The following TMC5 variants were observed in gnomAD, a reference collection of about 807,000 sequenced individuals.
The protein encoded by TMC5 is transmembrane channel like 5.
Under a neutral mutation model 110.5 loss-of-function variants are expected in TMC5, and 86 were observed. That is an observed-to-expected ratio of 0.78 (90% CI 0.65 to 0.93). TMC5 has a LOEUF of 0.93. Ranked by LOEUF, TMC5 falls within the 40% of genes least tolerant of loss-of-function variation. The pLI is 0.00. For synonymous variants in TMC5, 455 were observed against 439.5 expected (o/e 1.04, Z -0.44); for missense variants, 1,144 against 1,222.8 (o/e 0.94, Z 0.96).
At chr16:19,421,015 C>T (rs1966971015) in intron 1 of TMC5, among the ~76,000 whole-genome samples, 1 of 148,332 alleles carries the variant, frequency 6.7e-6, no homozygotes. Context: ...TGGTTTAGGT[C>T]ACCCCAAGAA....
rs1969117737 is a variant in TMC5, at chr16:19,498,721, G to A, written c.*755G>A. 1 of 152,034 alleles carries A rather than the reference G, an allele frequency of 6.6e-6. No individual in the cohort carries two copies. The highest frequency in any genetic ancestry group is 1.5e-5 in the Non-Finnish European group (1 of 68,016). 9.4% of individuals were successfully genotyped at this position (152,034 alleles called of 1,614,324 possible). A position where few individuals can be genotyped will look rare whatever the true frequency, so the allele number is the denominator to read the frequency against. The stretch of plus-strand genomic sequence containing the variant: ...GATGACTTGAAATATAATCAGCGCT[G>A]GCAATTTTTGACAGTCTCTACGGAG... On this transcript the variant is annotated 3_prime_UTR_variant, in exon 22 of 22. Coordinates refer to ENST00000542583, the MANE Select transcript of TMC5 (RefSeq NM_001261841.2).
intron 19 of TMC5, among the ~76,000 whole-genome samples, chr16:19,492,589 G>C (rs1330084745): frequency 6.6e-6 from 1 of 151,954 alleles, no homozygotes; most frequent in Non-Finnish European, 1.5e-5. Flanking sequence ...GGAATTACAG[G>C]TGCCTGCCAC....
chr16:19,465,992 GT>G (rs1331253298), intron 8 of TMC5, 89 bp from the exon 9 acceptor site: 6 of 1,398,328 alleles, frequency 4.3e-6, no homozygotes, highest in Non-Finnish European at 5.8e-6. Flanking sequence ...CAGGCTTCTT[GT>G]ATTCAGGAGA....
chr16:19,475,148 A>T (rs929756303), intron 12 of TMC5, among the ~76,000 whole-genome samples: 1 of 152,124 alleles, frequency 6.6e-6, no homozygotes, highest in Non-Finnish European at 1.5e-5. Flanking sequence ...TAGGCCGGGC[A>T]TGGTGGCTCA....
intron 7 of TMC5, 54 bp downstream of exon 7, chr16:19,463,421 T>G: frequency 7.1e-7 from 1 of 1,398,714 alleles, no homozygotes. Context: ...GGGAGGAGAG[T>G]GAGGATGAAA....
chr16:19,474,543 G>A (rs747437240), intron 12 of TMC5, among the ~76,000 whole-genome samples: 6 of 152,118 alleles, frequency 3.9e-5, no homozygotes, highest in Non-Finnish European at 7.4e-5. Context: ...GGATGCAGTG[G>A]CATGCACCTG....
intron 5 of TMC5, chr16:19,456,607 C>T: frequency 6.6e-7 from 1 of 1,508,988 alleles, no homozygotes; most frequent in Non-Finnish European, 8.8e-7. Context: ...TGATCATCAT[C>T]ACTTTTTCCC....
chr16:19,473,602 T>C (rs929319646), intron 11 of TMC5, among the ~76,000 whole-genome samples: 4 of 152,178 alleles, frequency 2.6e-5, no homozygotes, highest in African/African-American at 9.6e-5. Context: ...ACTTCCTTGC[T>C]GGGTGACCCT....
intron 2 of TMC5, among the ~76,000 whole-genome samples, chr16:19,433,480 C>A (rs1597164505): frequency 6.6e-6 from 1 of 152,206 alleles, no homozygotes; most frequent in Non-Finnish European, 1.5e-5. Flanking sequence ...TCCACTCCTG[C>A]AGCCCCTCTT....
At position 19,492,229 on chromosome 16, in the gene TMC5, G is replaced by A; in HGVS notation, c.2826+1G>A. 1 of 1,611,084 alleles carries A rather than the reference G, an allele frequency of 6.2e-7. No homozygotes were observed. The highest frequency in any genetic ancestry group is 8.5e-7 in the Non-Finnish European group (1 of 1,177,358). The stretch of plus-strand genomic sequence containing the variant: ...GCTGCTCCATGAGCAGATCATTAAT[G>A]TAAGTCCCCTTGGATCCCTCTGATG... On this transcript the variant is annotated splice_donor_variant, in intron 19 of 21. Transcript: ENST00000542583. LOFTEE classifies it high-confidence loss of function.
At chr16:19,450,266 A>G (rs985668916) in intron 5 of TMC5, among the ~76,000 whole-genome samples, 8 of 152,370 alleles carry the variant, frequency 5.3e-5, no homozygotes, top group African/African-American at 1.9e-4. Flanking sequence ...TCATTGGCTC[A>G]TGTGGTAGAA....
rs1597201097 is a variant in TMC5, at chr16:19,469,916, T to C, written c.1782+91T>C. The C allele has an allele frequency of 2.2e-5, 29 of 1,332,606 alleles. 1 individual carries two copies. In the South Asian group the frequency reaches 3.3e-4, roughly 15 times the overall value. The allele number at this position is 1,332,606 out of a possible 1,614,324, so 82.5% of individuals were successfully genotyped here. ...AACTTTTCTTTTTTTTTTTTTTGAATTGGAGTCTCACTCTGTCGCCCAGGC... is the reference window on the plus strand; with the variant it reads ...AACTTTTCTTTTTTTTTTTTTTGAACTGGAGTCTCACTCTGTCGCCCAGGC... On this transcript the variant is annotated intron_variant, in intron 10 of 21. Transcript: ENST00000542583.
At chr16:19,441,982 T>C (rs777595178) in intron 3 of TMC5, among the ~76,000 whole-genome samples, 65 of 152,160 alleles carry the variant, frequency 4.3e-4, no homozygotes, top group Non-Finnish European at 8.5e-4. Flanking sequence ...TTTGTATCTT[T>C]AGTAGAGACA....
upstream of TMC5, among the ~76,000 whole-genome samples, chr16:19,416,953 G>A (rs536446987): frequency 7.3e-4 from 111 of 152,048 alleles, no homozygotes; most frequent in Non-Finnish European, 1.3e-3. Flanking sequence ...AATTAGCCAG[G>A]TGTAGTGGCA....
At chr16:19,491,035 G>A (rs1024699401) in intron 18 of TMC5, among the ~76,000 whole-genome samples, 1 of 144,308 alleles carries the variant, frequency 6.9e-6, no homozygotes, top group East Asian at 2.0e-4. Context: ...GGTTGAGACA[G>A]GGTCATGATC....
chr16:19,462,560 G>A (rs1430044818), intron 6 of TMC5: 9 of 701,616 alleles, frequency 1.3e-5, no homozygotes, highest in Non-Finnish European at 2.3e-5. Flanking sequence ...CACATCTTAC[G>A]TGGTGGTAGG....
upstream of TMC5, among the ~76,000 whole-genome samples, chr16:19,415,589 A>C (rs1292507786): frequency 6.6e-6 from 1 of 152,220 alleles, no homozygotes; most frequent in Non-Finnish European, 1.5e-5. Context: ...ACTTATAGCT[A>C]CAAAAGAATC....
intron 5 of TMC5, among the ~76,000 whole-genome samples, chr16:19,453,836 GT>G (rs1967804636): frequency 6.6e-6 from 1 of 152,026 alleles, no homozygotes; most frequent in Admixed American, 6.6e-5. Flanking sequence ...ATTATGCTGT[GT>G]CCCTAGGAAG....
chr16:19,416,190 G>GAA (rs752182776), upstream of TMC5, among the ~76,000 whole-genome samples: 4,044 of 125,868 alleles, frequency 0.032, 188 homozygotes, highest in African/African-American at 0.11. Context: ...TGTCTCAAAG[G>GAA]AAAAAAAAAA....
Sources: gnomAD v4.1 joint callset for allele counts (sites outside exome capture counted in the v4.1 genomes callset) on GRCh38, gnomAD v4.1.1 for gene constraint, MANE v1.5 for transcripts, NCBI Gene and HGNC (gene_info 2026-07-23, HGNC 2026-07-21) for gene names.